PKN2: variants seen among roughly 807,000 people sequenced by gnomAD.
The protein encoded by PKN2 is serine/threonine-protein kinase N2.
PKN2 carries 38 observed loss-of-function variants against 119.1 expected under a neutral mutation model. That is an observed-to-expected ratio of 0.32 (90% CI 0.25 to 0.42). PKN2 has a LOEUF of 0.42. PKN2 is among the 10% of genes least tolerant of loss of function. PKN2 has a pLI of 1.00. For synonymous variants in PKN2, 390 were observed against 384.9 expected, an observed-to-expected ratio of 1.01 and a Z score of -0.15; for missense variants, 850 against 1,165.1, an observed-to-expected ratio of 0.73 and a Z score of 3.94.
rs114740293 is a variant in PKN2, at chr1:88,791,657, A to G, written c.1281+5444A>G. On this transcript the variant is annotated intron_variant, in intron 8 of 21. Transcript: ENST00000370521. The stretch of plus-strand genomic sequence containing the variant: ...AAAGCAGGGAGGAAAAGAGCAAACT[A>G]CTTCCATTGAACAGCCTGGCTTTCA... Among the ~76,000 whole-genome samples, 307 of 152,284 alleles carry G rather than the reference A, an allele frequency of 2.0e-3. 2 individuals are homozygous for G. Among genetic ancestry groups the G allele is most frequent in the African/African-American group, 6.9e-3 (287 of 41,558 alleles).
intron 3 of PKN2, among the ~76,000 whole-genome samples, chr1:88,760,658 A>G (rs1012843949): frequency 2.6e-5 from 4 of 151,918 alleles, no homozygotes; most frequent in Non-Finnish European, 4.4e-5. Flanking sequence ...TTTTTTTCAC[A>G]TTTTTGTGCT....
chr1:88,760,295 A>G lies in PKN2; in HGVS notation c.423A>G (p.Leu141=). 1 of 1,566,640 alleles carries G rather than the reference A, an allele frequency of 6.4e-7. No individual in the cohort carries two copies. The highest frequency in any genetic ancestry group is 8.8e-7 in the Non-Finnish European group (1 of 1,138,200). The change falls in exon 3 of 22, where the codon TTA becomes TTG. Residue 141 remains leucine (L), a synonymous_variant. Transcript: ENST00000370521. ...CTAGCAACAATAGATTGAAGGCCTTACAAAAACAATTGGATATAGAACTTA... is the reference window on the plus strand; with the variant it reads ...CTAGCAACAATAGATTGAAGGCCTTGCAAAAACAATTGGATATAGAACTTA... ...CSTSNNRLKA[L]QKQLDIELKV... is the part of the protein sequence containing the mutation.
At chr1:88,697,257 G>A (rs554730992) in intron 1 of PKN2, among the ~76,000 whole-genome samples, 14 of 152,080 alleles carry the variant, frequency 9.2e-5, no homozygotes, top group African/African-American at 3.1e-4. Flanking sequence ...TCTTTATGTC[G>A]CTAGCAACTG....
intron 4 of PKN2, 81 bp downstream of exon 4, chr1:88,770,550 G>T: frequency 1.9e-5 from 13 of 702,532 alleles, no homozygotes; most frequent in South Asian, 5.3e-5. Context: ...GTGGTTCAAA[G>T]TTAAGAGGGA....
chr1:88,835,436 A>G lies in PKN2; in HGVS notation c.*1988A>G, dbSNP rs1397770282. The G allele has an allele frequency of 6.6e-6, 1 of 152,322 alleles. No individual in the cohort carries two copies. Among genetic ancestry groups the G allele is most frequent in the African/African-American group, 2.4e-5 (1 of 41,340 alleles). The allele number at this position is 152,322 out of a possible 1,614,324, so 9.4% of individuals were successfully genotyped here. On this transcript the variant is annotated 3_prime_UTR_variant, in exon 22 of 22. Coordinates refer to ENST00000370521, the MANE Select transcript of PKN2 (RefSeq NM_006256.4). ...GCTCTTAGCATTAAAAACTGACAGC[A>G]TTTCGTAACTACACAGTGTACAGAA... is the stretch of plus-strand genomic sequence containing the variant.
At chr1:88,689,905 G>A (rs955065528) in intron 1 of PKN2, among the ~76,000 whole-genome samples, 1 of 152,112 alleles carries the variant, frequency 6.6e-6, no homozygotes, top group East Asian at 1.9e-4. Flanking sequence ...GTGTTTTTCC[G>A]GCTTAGGTTT....
chr1:88,776,175 C>T (rs962508208), intron 6 of PKN2, among the ~76,000 whole-genome samples: 31 of 150,050 alleles, frequency 2.1e-4, no homozygotes, highest in African/African-American at 7.1e-4. Flanking sequence ...GTTTGTCTTC[C>T]TTTTTTCCTT....
intron 18 of PKN2, among the ~76,000 whole-genome samples, chr1:88,825,906 A>G (rs1672481682): frequency 1.3e-5 from 2 of 152,132 alleles, no homozygotes; most frequent in Admixed American, 1.3e-4. Context: ...TGCTGCAGCA[A>G]CAATGAACTG....
At chr1:88,782,633 A>C (rs1397078849) in intron 6 of PKN2, among the ~76,000 whole-genome samples, 2 of 151,344 alleles carry the variant, frequency 1.3e-5, no homozygotes, top group Non-Finnish European at 2.9e-5. Context: ...TTTTTTTTTT[A>C]ATCTCAGATA....
At chr1:88,724,903 CCTT>C (rs1667839470) in intron 1 of PKN2, among the ~76,000 whole-genome samples, 1 of 28,406 alleles carries the variant, frequency 3.5e-5, no homozygotes, top group Non-Finnish European at 6.5e-5. Context: ...TTTTTTTTTT[CCTT>C]CTTTTTCTTT....
intron 1 of PKN2, among the ~76,000 whole-genome samples, chr1:88,716,598 A>T (rs1184714079): frequency 2.0e-5 from 3 of 152,000 alleles, no homozygotes; most frequent in Non-Finnish European, 4.4e-5. Flanking sequence ...CTGTTTTATC[A>T]GAGACGAGGA....
At chr1:88,832,668 G>C (rs1481948399) in intron 19 of PKN2, 76 bp from the exon 20 acceptor site, 2 of 726,498 alleles carry the variant, frequency 2.8e-6, no homozygotes, top group Non-Finnish European at 4.8e-6. Flanking sequence ...CCTGGATCTT[G>C]GTTGTACTTT....
At chr1:88,809,417 C>T (rs1570665015) in intron 15 of PKN2, among the ~76,000 whole-genome samples, 2 of 152,274 alleles carry the variant, frequency 1.3e-5, no homozygotes, top group East Asian at 1.9e-4. Context: ...TCTCCAGATT[C>T]TTAAATGGTA....
intron 6 of PKN2, among the ~76,000 whole-genome samples, chr1:88,782,334 A>G (rs919292057): frequency 1.3e-5 from 2 of 150,272 alleles, no homozygotes; most frequent in Admixed American, 6.6e-5. Context: ...AACTTCTTGG[A>G]TACTTCTTGA....
intron 16 of PKN2, among the ~76,000 whole-genome samples, chr1:88,821,194 A>G (rs1672275408): frequency 6.6e-6 from 1 of 152,188 alleles, no homozygotes; most frequent in Admixed American, 6.5e-5. Flanking sequence ...CTGTAATGGG[A>G]TACCACCTTC....
chr1:88,817,351 A>G (rs1192602362), intron 16 of PKN2, among the ~76,000 whole-genome samples: 1 of 149,112 alleles, frequency 6.7e-6, no homozygotes, highest in African/African-American at 2.5e-5. Flanking sequence ...CGGAGGTGGC[A>G]GTGAGCGGAG....
chr1:88,815,418 C>A, intron 16 of PKN2: 1 of 355,500 alleles, frequency 2.8e-6, no homozygotes, highest in Non-Finnish European at 5.3e-6. Context: ...TCAGTTCACT[C>A]TATTTTCTGT....
At position 88,833,953 on chromosome 1, in the gene PKN2, G is replaced by A. The variant is rs1286601823; in HGVS notation, c.*505G>A. Reference sequence around the variant, plus strand: ...ACATTACTGTAATATCAAAAACCGTGGCAGTTTGTATACAACTCGGGGCTT... The same window carrying A: ...ACATTACTGTAATATCAAAAACCGTAGCAGTTTGTATACAACTCGGGGCTT... On this transcript the variant is annotated 3_prime_UTR_variant, in exon 22 of 22. Transcript: ENST00000370521. 1 of 151,478 alleles carries A rather than the reference G, an allele frequency of 6.6e-6. No homozygotes were observed. Among genetic ancestry groups the A allele is most frequent in the African/African-American group, 2.4e-5 (1 of 41,196 alleles). The allele number at this position is 151,478 out of a possible 1,614,324, so 9.4% of individuals were successfully genotyped here.
chr1:88,763,607 C>CAAAA (rs34763457), intron 3 of PKN2, among the ~76,000 whole-genome samples: 1 of 103,390 alleles, frequency 9.7e-6, no homozygotes, highest in African/African-American at 3.5e-5. Context: ...AACTCCATCT[C>CAAAA]AAAAAAAAAA....
Sources: gnomAD v4.1 joint callset for allele counts (sites outside exome capture counted in the v4.1 genomes callset) on GRCh38, gnomAD v4.1.1 for gene constraint, MANE v1.5 for transcripts, NCBI Gene and HGNC (gene_info 2026-07-23, HGNC 2026-07-21) for gene names.